ITPRID2: variants seen among roughly 807,000 people sequenced by gnomAD.
ITPRID2 encodes ITPR interacting domain containing 2, also known as protein ITPRID2.
A neutral mutation model predicts 124.3 loss-of-function variants in ITPRID2; 60 were observed. The observed-to-expected ratio is 0.48, with a 90% CI of 0.39 to 0.60. The LOEUF is 0.60. Ranked by LOEUF, ITPRID2 falls within the 20% of genes least tolerant of loss-of-function variation. The probability of loss-of-function intolerance (pLI) is 0.00; values close to 1 mark genes in which losing one functional copy is unlikely to be tolerated. For synonymous variants in ITPRID2, 521 were observed against 542.9 expected (o/e 0.96, Z 0.56); for missense variants, 1,553 against 1,512.2 (o/e 1.03, Z -0.45).
At chr2:181,899,535 T>G (rs546299406) in intron 6 of ITPRID2, among the ~76,000 whole-genome samples, 9 of 152,176 alleles carry the variant, frequency 5.9e-5, no homozygotes, top group Non-Finnish European at 1.2e-4. Context: ...AAACCAAAGA[T>G]CTTTCAAATA....
Position 181,918,634 on chromosome 2 carries a change from C to G in ITPRID2, c.2824C>G (p.Pro942Ala), listed in dbSNP as rs775655036. Residue 942 changes from proline to alanine, a missense_variant, in exon 12 of 18, where the codon CCA becomes GCA. Physicochemically the swap from Pro to Ala is conservative, Grantham distance 27. Coordinates refer to ENST00000431877, the MANE Select transcript of ITPRID2 (RefSeq NM_001130445.3). ...MMRGPDPAAA[P>A]YSTQKSSVLP... ...GAGAGGACCTGATCCTGCTGCTGCT[C>G]CATATAGTACTCAGAAATCATCTGT... is the stretch of plus-strand genomic sequence containing the variant. 7 of 1,614,014 alleles carry G rather than the reference C, an allele frequency of 4.3e-6. No homozygotes were observed. The East Asian group carries it at 1.1e-4, about 26-fold the overall frequency.
chr2:181,909,041 T>C (rs561550778), intron 8 of ITPRID2, among the ~76,000 whole-genome samples: 10 of 152,290 alleles, frequency 6.6e-5, no homozygotes, highest in Admixed American at 5.2e-4. Flanking sequence ...ACAGAGTGTT[T>C]GTGGGGTGGA....
chr2:181,899,546 T>C (rs1363302022), intron 6 of ITPRID2, among the ~76,000 whole-genome samples: 1 of 152,182 alleles, frequency 6.6e-6, no homozygotes, highest in East Asian at 1.9e-4. Context: ...CTTTCAAATA[T>C]ATAGTATAGC....
intron 16 of ITPRID2, among the ~76,000 whole-genome samples, chr2:181,925,460 T>G (rs913324156): frequency 6.6e-6 from 1 of 152,246 alleles, no homozygotes; most frequent in Non-Finnish European, 1.5e-5. Flanking sequence ...TATTTGTCCA[T>G]GCATTTATTC....
In ITPRID2 at chr2:181,916,421, T is replaced by C. The variant is rs773380125; in HGVS notation, c.2781T>C (p.Leu927=). Residue 927 remains leucine (L), a synonymous_variant, in exon 11 of 18, where the codon CTT becomes CTC. Coordinates refer to ENST00000431877, the MANE Select transcript of ITPRID2 (RefSeq NM_001130445.3). ...LHDIRNSLQN[L]SQYPMMRGPD... ...ATATTAGAAACTCACTGCAGAATCTTTCACAGGTATGAGAAAAAGTATGTT... is the reference window on the plus strand; with the variant it reads ...ATATTAGAAACTCACTGCAGAATCTCTCACAGGTATGAGAAAAAGTATGTT... The C allele has an allele frequency of 6.2e-7, 1 of 1,611,548 alleles. No homozygotes were observed. The highest frequency in any genetic ancestry group is 2.2e-5 in the East Asian group (1 of 44,830).
At position 181,922,209 on chromosome 2, in the gene ITPRID2, A is replaced by G. The variant is rs369879907; in HGVS notation, c.3472A>G (p.Thr1158Ala). 1.2e-6 allele frequency: 2 copies of G among 1,614,272 alleles called. No individual in the cohort carries two copies. Among genetic ancestry groups the G allele is most frequent in the Non-Finnish European group, 1.7e-6 (2 of 1,180,050 alleles). Residue 1158 changes from threonine to alanine, a missense_variant, in exon 16 of 18, where the codon ACA becomes GCA. Coordinates refer to ENST00000431877, the MANE Select transcript of ITPRID2 (RefSeq NM_001130445.3). ...CCGAGCATCGGTGGCTCTAACGCCA[A>G]CAGCTCCTTCTAGAACAGGCTCTGT... ...VFRASVALTPTAPSRTGSVQT... is the reference protein window; with the variant it reads ...VFRASVALTPAAPSRTGSVQT...
rs971570221 is a variant in ITPRID2 at position 181,895,914 on chromosome 2, A to T, written c.258-116A>T. 1.0e-5 allele frequency: 8 copies of T among 799,762 alleles called. No homozygotes were observed. In the African/African-American group the frequency reaches 1.4e-4, roughly 14 times the overall value. 49.5% of individuals were successfully genotyped at this position (799,762 alleles called of 1,614,324 possible). A position where few individuals can be genotyped will look rare whatever the true frequency, so the allele number is the denominator to read the frequency against. ...CATTCCTTGTGTGTTTTTGGAGGAGAGTTTAACTGTGATTAGAAGCTTATT... is the reference window on the plus strand; with the variant it reads ...CATTCCTTGTGTGTTTTTGGAGGAGTGTTTAACTGTGATTAGAAGCTTATT... On this transcript the variant is annotated intron_variant, in intron 2 of 17. Transcript: ENST00000431877.
Position 181,902,549 on chromosome 2 carries a change from C to G in ITPRID2, c.1413+83C>G. ...AAAATGCTTATAAAATGAGAGGTAG[C>G]TAATAGATTTATACTAGAAAAATTT... On this transcript the variant is annotated intron_variant, in intron 8 of 17. Transcript: ENST00000431877. The surrounding 1 kb of genome is among the most constrained non-coding windows in gnomAD (Gnocchi z 4.4). The G allele has an allele frequency of 9.8e-7, 1 of 1,022,134 alleles. No homozygotes were observed. Among genetic ancestry groups the G allele is most frequent in the Non-Finnish European group, 1.4e-6 (1 of 714,712 alleles). The allele number at this position is 1,022,134 out of a possible 1,614,324, so 63.3% of individuals were successfully genotyped here.
Position 181,902,140 on chromosome 2 carries a change from G to C in ITPRID2, c.1087G>C (p.Val363Leu). 1 of 1,613,586 alleles carries C rather than the reference G, an allele frequency of 6.2e-7. No homozygotes were observed. The highest frequency in any genetic ancestry group is 1.1e-5 in the South Asian group (1 of 90,894). Residue 363 changes from valine to leucine, a missense_variant, in exon 8 of 18, where the codon GTC (valine) becomes CTC (leucine). By Grantham distance (32) the Val-to-Leu change is conservative. Coordinates refer to ENST00000431877, the MANE Select transcript of ITPRID2 (RefSeq NM_001130445.3). This position sits in a 1 kb window ranked among gnomAD's most constrained non-coding sequence, Gnocchi z 4.4. Reference protein sequence around the residue: ...SSMLATVKEEVSGSSAAVTEN... With the variant: ...SSMLATVKEELSGSSAAVTEN... ...TATGTTGGCTACAGTTAAAGAAGAA[G>C]TCTCTGGTAGTTCAGCAGCTGTTAC...
chr2:181,891,973 GCCCGGC>G lies in ITPRID2; in HGVS notation c.-92_-87del. On this transcript the variant is annotated 5_prime_UTR_variant, in exon 1 of 18. Transcript: ENST00000431877. ...CCGCTTCAGCTCCCCGGGGCCCCCT[GCCCGGC>G]CGGGCGCTGACAGCAAGGGCGGGGG... is the stretch of plus-strand genomic sequence containing the variant. 21 of 1,230,330 alleles carry G rather than the reference GCCCGGC, an allele frequency of 1.7e-5. No individual in the cohort carries two copies. Among genetic ancestry groups the G allele is most frequent in the Non-Finnish European group, 2.3e-5 (21 of 926,896 alleles). The allele number at this position is 1,230,330 out of a possible 1,614,324, so 76.2% of individuals were successfully genotyped here.
chr2:181,929,186 C>T (rs1301627148), intron 17 of ITPRID2, among the ~76,000 whole-genome samples: 2 of 151,276 alleles, frequency 1.3e-5, no homozygotes, highest in Non-Finnish European at 2.9e-5. Context: ...GCTCTAACTT[C>T]ATTTTATATA....
At chr2:181,895,803 T>G (rs1692153868) in intron 2 of ITPRID2, among the ~76,000 whole-genome samples, 1 of 152,030 alleles carries the variant, frequency 6.6e-6, no homozygotes, top group Admixed American at 6.5e-5. Context: ...TGTTAGCACA[T>G]CAGACATGAT....
At chr2:181,913,778 TTTC>T (rs1693812685) in intron 9 of ITPRID2, 64 bp from the exon 10 acceptor site, 5 of 1,171,496 alleles carry the variant, frequency 4.3e-6, no homozygotes, top group Non-Finnish European at 6.1e-6. Context: ...CTCTCAGTAA[TTTC>T]TTATAGCCAC....
chr2:181,924,732 T>C (rs1207237275), intron 16 of ITPRID2, among the ~76,000 whole-genome samples: 3 of 152,262 alleles, frequency 2.0e-5, no homozygotes, highest in Non-Finnish European at 4.4e-5. Flanking sequence ...AATTCTTTTT[T>C]TGAAGGACAA....
rs1558987137 is a variant in ITPRID2 at position 181,902,330 on chromosome 2, A to ACAGTGAGCTGGAAAATAG, written c.1288_1305dup (p.Glu430_Leu435dup). 7 of 1,613,924 alleles carry ACAGTGAGCTGGAAAATAG rather than the reference A, an allele frequency of 4.3e-6. No homozygotes were observed. The stretch of plus-strand genomic sequence containing the variant: ...GATAGTGATTTCAACATATCCAGCC[A>ACAGTGAGCTGGAAAATAG]CAGTGAGCTGGAAAATAGCAGTGAG... On this transcript the variant is annotated inframe_insertion, in exon 8 of 18. Transcript: ENST00000431877. The surrounding 1 kb of genome is among the most constrained non-coding windows in gnomAD (Gnocchi z 4.4).
At chr2:181,926,372 T>C (rs1338885042) in intron 16 of ITPRID2, among the ~76,000 whole-genome samples, 1 of 152,170 alleles carries the variant, frequency 6.6e-6, no homozygotes, top group Non-Finnish European at 1.5e-5. Context: ...ATTCCAATAA[T>C]GCCTGTACTC....
At chr2:181,899,875 C>T (rs1453783079) in intron 6 of ITPRID2, among the ~76,000 whole-genome samples, 1 of 152,154 alleles carries the variant, frequency 6.6e-6, no homozygotes, top group East Asian at 1.9e-4. Context: ...CTCCCGCCCG[C>T]ACATATAGTA....
chr2:181,892,264 A>G lies in ITPRID2; in HGVS notation c.198A>G (p.Ala66=), dbSNP rs539934590. 6.5e-7 allele frequency: 1 copy of G among 1,547,782 alleles called. No individual in the cohort carries two copies. The highest frequency in any genetic ancestry group is 1.2e-5 in the South Asian group (1 of 83,952). The change falls in exon 1 of 18, where the codon GCA becomes GCG. Residue 66 remains alanine (A), a synonymous_variant. Coordinates refer to ENST00000431877, the MANE Select transcript of ITPRID2 (RefSeq NM_001130445.3). This position sits in a 1 kb window ranked among gnomAD's most constrained non-coding sequence, Gnocchi z 5.2. ...EEDLPGAQLP[A]AGGRGNVPNE... ...ACCTCCCCGGCGCGCAGCTGCCGGCAGCGGGGGGAAGAGGTCGGTGCTCCC... is the reference window on the plus strand; with the variant it reads ...ACCTCCCCGGCGCGCAGCTGCCGGCGGCGGGGGGAAGAGGTCGGTGCTCCC...
In ITPRID2 at chr2:181,891,848, C is replaced by A. The variant is rs532165155; in HGVS notation, c.-219C>A. The A allele has an allele frequency of 3.7e-5, 12 of 323,574 alleles. No homozygotes were observed. Among genetic ancestry groups the A allele is most frequent in the Non-Finnish European group, 6.4e-5 (11 of 172,640 alleles). The allele number at this position is 323,574 out of a possible 1,614,324, so 20.0% of individuals were successfully genotyped here. A position where few individuals can be genotyped will look rare whatever the true frequency, so the allele number is the denominator to read the frequency against. On this transcript the variant is annotated 5_prime_UTR_variant, in exon 1 of 18. Transcript: ENST00000431877. ...GGCCACTAGCGCTCCCGCGCGCGCC[C>A]GGCCGCCTTCATGTGAAGCGCCGGC...
Sources: allele counts gnomAD v4.1 joint callset (sites outside exome capture counted in the v4.1 genomes callset), GRCh38; gene constraint gnomAD v4.1.1; non-coding constraint Gnocchi (gnomAD v3.1); transcripts MANE v1.5; gene names NCBI Gene and HGNC (gene_info 2026-07-23, HGNC 2026-07-21).